The following RYR1 variants were observed in gnomAD, a reference collection of about 807,000 sequenced individuals.
The protein encoded by RYR1 is central core disease of muscle.
RYR1 carries 342 observed loss-of-function variants against 583.5 expected under a neutral mutation model. The observed-to-expected ratio is 0.59, with a 90% confidence interval of 0.54 to 0.64. The LOEUF is 0.64. RYR1 is among the 30% of genes least tolerant of loss of function. The pLI is 0.00. For synonymous variants in RYR1, 2,791 were observed against 2,822.5 expected, an observed-to-expected ratio of 0.99 and a Z score of 0.35; for missense variants, 6,032 against 6,917.2, an observed-to-expected ratio of 0.87 and a Z score of 4.54.
chr19:38,579,213 G>A (rs1974089923), intron 99 of RYR1, among the ~76,000 whole-genome samples: 1 of 152,082 alleles, frequency 6.6e-6, no homozygotes, highest in Admixed American at 6.6e-5. Context: ...ATCACTTGAG[G>A]CCAGGAGTTA....
At position 38,561,355 on chromosome 19, in the gene RYR1, C is replaced by T. The variant is rs759545163; in HGVS notation, c.12525C>T (p.Pro4175=). ...LAESILEYFR[P]YLGRIEIMGA... ...AGAGCATCCTTGAGTACTTCCGCCC[C>T]TACCTGGGCCGCATCGAGATCATGG... The change falls in exon 90 of 106, where the codon CCC becomes CCT. Residue 4175 remains proline (P), a synonymous_variant. Transcript: ENST00000359596. This position sits in a 1 kb window ranked among gnomAD's most constrained non-coding sequence, Gnocchi z 4.8. The T allele has an allele frequency of 2.5e-6, 4 of 1,613,912 alleles. No homozygotes were observed. Among genetic ancestry groups the T allele is most frequent in the East Asian group, 4.5e-5 (2 of 44,884 alleles).
chr19:38,502,950 T>C lies in RYR1; in HGVS notation c.7906T>C (p.Phe2636Leu). 1.9e-6 allele frequency: 3 copies of C among 1,610,282 alleles called. No homozygotes were observed. The South Asian group carries it at 3.3e-5, about 18-fold the overall frequency. The change falls in exon 49 of 106, where the codon TTC (phenylalanine) becomes CTC (leucine). Residue 2636 changes from phenylalanine (F) to leucine (L), a missense_variant. Transcript: ENST00000359596. ...LVFDVPILNE[F>L]AKMPLKLLTN... ...GTTCGACGTGCCCATCCTCAACGAG[T>C]TCGCCAAGATGCCACTCAAGGTGAG...
Position 38,504,324 on chromosome 19 carries a change from A to G in RYR1, c.8031A>G (p.Lys2677=), listed in dbSNP as rs749617443. ...TSEEELHLTR[K]LFWGIFDSLA... ...AGGAGGAGCTGCACCTCACACGGAA[A>G]CTCTTCTGGGGCATCTTTGACTCTC... Residue 2677 remains lysine, a synonymous_variant, in exon 50 of 106, where the codon AAA becomes AAG. Transcript: ENST00000359596. 1.2e-6 allele frequency: 2 copies of G among 1,613,790 alleles called. No homozygotes were observed. The highest frequency in any genetic ancestry group is 1.7e-5 in the Admixed American group (1 of 59,984).
At chr19:38,486,692 C>T (rs565195047) in intron 34 of RYR1, among the ~76,000 whole-genome samples, 1 of 152,270 alleles carries the variant, frequency 6.6e-6, no homozygotes, top group South Asian at 2.1e-4. Context: ...TTTCATTCAC[C>T]TTTCCCTCCA....
intron 89 of RYR1, among the ~76,000 whole-genome samples, chr19:38,551,392 T>C (rs75576762): frequency 0.036 from 5,525 of 152,050 alleles, 153 homozygotes; most frequent in Non-Finnish European, 0.055. Context: ...CCATGGCTTC[T>C]TAGTCTATGG....
intron 66 of RYR1, among the ~76,000 whole-genome samples, chr19:38,517,928 C>T (rs767303687): frequency 4.6e-5 from 7 of 152,090 alleles, no homozygotes; most frequent in Non-Finnish European, 1.0e-4. Flanking sequence ...TAACATAGCA[C>T]GACCCCATCT....
chr19:38,510,372 A>T, intron 58 of RYR1, 126 bp from the exon 59 acceptor site: 1 of 919,706 alleles, frequency 1.1e-6, no homozygotes, highest in Non-Finnish European at 1.7e-6. Context: ...AGCCAACACA[A>T]ATGACTTCAT....
At position 38,512,125 on chromosome 19, in the gene RYR1, G is replaced by A; in HGVS notation, c.9226G>A (p.Asp3076Asn). 6.2e-7 allele frequency: 1 copy of A among 1,614,176 alleles called. No individual in the cohort carries two copies. Among genetic ancestry groups the A allele is most frequent in the Non-Finnish European group, 8.5e-7 (1 of 1,180,030 alleles). Residue 3076 changes from aspartate to asparagine, a missense_variant, in exon 62 of 106, where the codon GAT becomes AAT. Physicochemically the swap from Asp to Asn is conservative, Grantham distance 23. Around this residue, in one of 11 missense-constraint regions of RYR1, gnomAD observed 1,493 missense variants for 1,715.5 expected, o/e 0.87. Transcript: ENST00000359596. This position sits in a 1 kb window ranked among gnomAD's most constrained non-coding sequence, Gnocchi z 5.1. ...NCLHILARSLDARTVMKSGPE... is the reference protein window; with the variant it reads ...NCLHILARSLNARTVMKSGPE... Reference sequence around the variant, plus strand: ...TCTTCACATCCTGGCCCGCTCCCTGGATGCCAGGTAGGGCCATAGGCAGTG... The same window carrying A: ...TCTTCACATCCTGGCCCGCTCCCTGAATGCCAGGTAGGGCCATAGGCAGTG...
intron 16 of RYR1, among the ~76,000 whole-genome samples, chr19:38,457,045 CCAAAAAAA>C (rs1448141842): frequency 1.5e-3 from 29 of 19,588 alleles, no homozygotes; most frequent in South Asian, 5.0e-3. Flanking sequence ...GACTCCATCT[CCAAAAAAA>C]AAAAAAAAAA....
chr19:38,502,391 C>T, intron 47 of RYR1, 116 bp from the exon 48 acceptor site: 4 of 937,430 alleles, frequency 4.3e-6, no homozygotes, highest in East Asian at 2.6e-5. Context: ...TTGGGAGGAG[C>T]AGGTTTTGGG....
At chr19:38,546,227 C>T (rs1972417217) in intron 87 of RYR1, among the ~76,000 whole-genome samples, 2 of 152,100 alleles carry the variant, frequency 1.3e-5, no homozygotes, top group African/African-American at 4.8e-5. Context: ...TACCCATCAC[C>T]TATCGAGCCC....
intron 48 of RYR1, 54 bp downstream of exon 48, chr19:38,502,781 AGGGGCAGGG>A: frequency 2.1e-6 from 1 of 475,266 alleles, no homozygotes; most frequent in Non-Finnish European, 3.4e-6. Flanking sequence ...GGGCAGGGGC[AGGGGCAGGG>A]GCAGGGGCAG....
At position 38,444,540 on chromosome 19, in the gene RYR1, ACC is replaced by A. The variant is rs748463478; in HGVS notation, c.538-41_538-40del. On this transcript the variant is annotated intron_variant, in intron 6 of 105. Coordinates refer to ENST00000359596, the MANE Select transcript of RYR1 (RefSeq NM_000540.3). This position sits in a 1 kb window ranked among gnomAD's most constrained non-coding sequence, Gnocchi z 5.1. ...GCCTCTGACGCTGGGACTCTCGCCC[ACC>A]CCTGCAATCGTCTCTGACTGCCGCA... is the stretch of plus-strand genomic sequence containing the variant. The A allele has an allele frequency of 2.8e-5, 43 of 1,560,274 alleles. No individual in the cohort carries two copies. The African/African-American group carries it at 5.3e-4, about 19-fold the overall frequency.
At chr19:38,533,275 A>T (rs1971823375) in intron 78 of RYR1, among the ~76,000 whole-genome samples, 1 of 152,166 alleles carries the variant, frequency 6.6e-6, no homozygotes, top group African/African-American at 2.4e-5. Flanking sequence ...CAATTCACCG[A>T]TCCATTCATT....
rs1185806328 is a variant in RYR1 at position 38,455,703 on chromosome 19, C to T, written c.1743C>T (p.His581=). 2 of 1,613,648 alleles carry T rather than the reference C, an allele frequency of 1.2e-6. No individual in the cohort carries two copies. The highest frequency in any genetic ancestry group is 2.2e-5 in the East Asian group (1 of 44,884). ...PEVLNIIQEN[H]IKSIISLLDK... ...TTCTGAACATCATCCAGGAGAATCACATCAAGTCCATCATCTCCCTCCTGG... is the reference window on the plus strand; with the variant it reads ...TTCTGAACATCATCCAGGAGAATCATATCAAGTCCATCATCTCCCTCCTGG... The change falls in exon 16 of 106, where the codon CAC becomes CAT. Residue 581 remains histidine (H), a synonymous_variant. Transcript: ENST00000359596.
Position 38,543,489 on chromosome 19 carries a change from G to C in RYR1, c.11779-43G>C. 1 of 1,614,166 alleles carries C rather than the reference G, an allele frequency of 6.2e-7. No individual in the cohort carries two copies. Among genetic ancestry groups the C allele is most frequent in the Non-Finnish European group, 8.5e-7 (1 of 1,179,994 alleles). On this transcript the variant is annotated intron_variant, in intron 85 of 105. Transcript: ENST00000359596. The surrounding 1 kb of genome is among the most constrained non-coding windows in gnomAD (Gnocchi z 4.4). Reference sequence around the variant, plus strand: ...CTTGGGTCGGGGGCTGCAGGGCCATGGTCGGCCCCAGCACCCCCTCACACC... The same window carrying C: ...CTTGGGTCGGGGGCTGCAGGGCCATCGTCGGCCCCAGCACCCCCTCACACC...
chr19:38,536,821 C>T (rs1971991650), intron 83 of RYR1, 54 bp downstream of exon 83: 1 of 1,566,858 alleles, frequency 6.4e-7, no homozygotes, highest in African/African-American at 1.4e-5. Flanking sequence ...CCCCTCCTAA[C>T]CCCGTCCACC....
intron 30 of RYR1, 33 bp downstream of exon 30, chr19:38,477,903 G>C (rs1287294905): frequency 6.8e-6 from 10 of 1,473,634 alleles, no homozygotes; most frequent in Non-Finnish European, 9.4e-6. Context: ...GGAGGTGCAG[G>C]GTGGGGAGGG....
rs1460040190 is a variant in RYR1 at position 38,516,098 on chromosome 19, C to T, written c.9566C>T (p.Ala3189Val). 2 of 1,549,044 alleles carry T rather than the reference C, an allele frequency of 1.3e-6. No individual in the cohort carries two copies. The highest frequency in any genetic ancestry group is 2.4e-5 in the South Asian group (2 of 83,978). The change falls in exon 65 of 106, where the codon GCC becomes GTC. Residue 3189 changes from alanine (A) to valine (V), a missense_variant. Physicochemically the swap from Ala to Val is moderately conservative, Grantham distance 64 (BLOSUM62 0). This residue lies in a region of RYR1 where 1,493 missense variants were observed against 1,715.5 expected (regional missense o/e 0.87). Coordinates refer to ENST00000359596, the MANE Select transcript of RYR1 (RefSeq NM_000540.3). ...KNTYVEKLRP[A>V]LGECLARLAA... The stretch of plus-strand genomic sequence containing the variant: ...GCCCCGTCTTCCAGGCTTCGGCCAG[C>T]CCTCGGGGAGTGCCTGGCCCGTCTG...
Sources: gnomAD v4.1 joint callset for allele counts (sites outside exome capture counted in the v4.1 genomes callset) on GRCh38, gnomAD v4.1.1 for gene constraint, gnomAD v4.1.1 regional missense constraint, Gnocchi (gnomAD v3.1) non-coding constraint, MANE v1.5 for transcripts, NCBI Gene and HGNC (gene_info 2026-07-23, HGNC 2026-07-21) for gene names.